GMDS: variants seen among roughly 807,000 people sequenced by gnomAD.
The protein encoded by GMDS is GDP-mannose 4,6 dehydratase.
In GMDS, 20 loss-of-function variants were observed where a neutral mutation model predicts 49.9. The observed-to-expected ratio is 0.40, with a 90% confidence interval of 0.28 to 0.58. The LOEUF (loss-of-function observed/expected upper bound fraction) is 0.58. Among genes scored for constraint, GMDS ranks in the 20% least tolerant of loss-of-function variants. The pLI is 0.42. For missense variants in GMDS, 362 were observed against 481.4 expected (o/e 0.75, Z 2.32); for synonymous variants, 177 against 178.6 (o/e 0.99, Z 0.07).
rs1212927047 is a variant in GMDS at position 1,819,770 on chromosome 6, A to AC, written c.772-77185_772-77184insG. Reference sequence around the variant, plus strand: ...AGTGAGACTCTGCCTCAAAAAAAAAAAAAAAAATATATATATATATATATA... The same window carrying AC: ...AGTGAGACTCTGCCTCAAAAAAAAAACAAAAAAATATATATATATATATATA... On this transcript the variant is annotated intron_variant, in intron 7 of 10. Coordinates refer to ENST00000380815, the MANE Select transcript of GMDS (RefSeq NM_001500.4). Among the ~76,000 whole-genome samples, 373 of 128,868 alleles carry AC rather than the reference A, an allele frequency of 2.9e-3. 2 individuals are homozygous for AC. The highest frequency in any genetic ancestry group is 9.7e-3 in the African/African-American group (358 of 37,004). 84.5% of individuals were successfully genotyped at this position (128,868 alleles called of 152,430 possible).
At chr6:2,170,242 G>A (rs1777915717) in intron 1 of GMDS, among the ~76,000 whole-genome samples, 2 of 151,694 alleles carry the variant, frequency 1.3e-5, no homozygotes, top group Middle Eastern at 3.4e-3. Context: ...AACAGGATTC[G>A]ACTTTCTCCA....
intron 4 of GMDS, among the ~76,000 whole-genome samples, chr6:2,091,253 T>C (rs1399787461): frequency 1.3e-5 from 2 of 152,236 alleles, no homozygotes; most frequent in East Asian, 1.9e-4. Context: ...GGCTCATACA[T>C]TTAACAACTT....
intron 6 of GMDS, among the ~76,000 whole-genome samples, chr6:1,940,953 C>T (rs774154314): frequency 2.0e-5 from 3 of 152,100 alleles, no homozygotes; most frequent in African/African-American, 7.2e-5. Flanking sequence ...CAGGAGCACC[C>T]CCTCAATTAT....
intron 4 of GMDS, among the ~76,000 whole-genome samples, chr6:1,968,552 C>T (rs911759648): frequency 6.6e-6 from 1 of 152,150 alleles, no homozygotes; most frequent in Non-Finnish European, 1.5e-5. Flanking sequence ...AATTCCTCGC[C>T]TTGGTCCTGA....
chr6:1,693,331 T>A (rs1765237047), intron 9 of GMDS, among the ~76,000 whole-genome samples: 1 of 152,182 alleles, frequency 6.6e-6, no homozygotes, highest in South Asian at 2.1e-4. Flanking sequence ...TCTGGAGCAA[T>A]CACTGCAATT....
Position 2,029,134 on chromosome 6 carries a change from A to G in GMDS, c.346-68168T>C, listed in dbSNP as rs552881936. ...AAGTTTAATCTCTTTCAAGACAGAAAGTAAATCCAATCAAAATCCCAGCAA... is the reference window on the plus strand; with the variant it reads ...AAGTTTAATCTCTTTCAAGACAGAAGGTAAATCCAATCAAAATCCCAGCAA... On this transcript the variant is annotated intron_variant, in intron 4 of 10. Transcript: ENST00000380815. Among the ~76,000 whole-genome samples, 153 of 152,218 alleles carry G rather than the reference A, an allele frequency of 1.0e-3. No individual in the cohort carries two copies. In the Middle Eastern group the frequency reaches 0.031, roughly 30 times the overall value.
chr6:1,939,959 T>C (rs892173944), intron 6 of GMDS, among the ~76,000 whole-genome samples: 4 of 152,050 alleles, frequency 2.6e-5, no homozygotes, highest in Non-Finnish European at 5.9e-5. Flanking sequence ...CTAGGGACAG[T>C]TCTACTTACC....
chr6:2,070,133 T>C (rs1226345079), intron 4 of GMDS, among the ~76,000 whole-genome samples: 3 of 151,114 alleles, frequency 2.0e-5, no homozygotes, highest in Admixed American at 6.6e-5. Context: ...ATGGATGAAA[T>C]TGGAAATCAT....
At chr6:1,825,420 T>C (rs1452639960) in intron 7 of GMDS, among the ~76,000 whole-genome samples, 1 of 152,258 alleles carries the variant, frequency 6.6e-6, no homozygotes, top group Non-Finnish European at 1.5e-5. Flanking sequence ...CTATGGTGAA[T>C]AAATACTGCC....
chr6:1,676,421 G>T (rs1379131206), intron 9 of GMDS, among the ~76,000 whole-genome samples: 1 of 152,094 alleles, frequency 6.6e-6, no homozygotes, highest in Non-Finnish European at 1.5e-5. Context: ...TCATAGAATT[G>T]GAAAAAACTA....
intron 9 of GMDS, among the ~76,000 whole-genome samples, chr6:1,714,591 G>C (rs1766106503): frequency 6.6e-6 from 1 of 152,198 alleles, no homozygotes; most frequent in Non-Finnish European, 1.5e-5. Flanking sequence ...GTGTCATGGG[G>C]AAAGCCAGAG....
chr6:1,944,831 T>C (rs2127266783), intron 6 of GMDS, among the ~76,000 whole-genome samples: 1 of 152,320 alleles, frequency 6.6e-6, no homozygotes, highest in Middle Eastern at 3.4e-3. Context: ...AAGATAAATG[T>C]CCATAAAATG....
intron 4 of GMDS, among the ~76,000 whole-genome samples, chr6:1,996,719 C>T (rs1766305172): frequency 6.6e-6 from 1 of 152,130 alleles, no homozygotes; most frequent in South Asian, 2.1e-4. Context: ...GGAAGCTGCA[C>T]ACATCATTTC....
rs115858925 is a variant in GMDS at position 2,160,816 on chromosome 6, G to A, written c.103-36085C>T. On this transcript the variant is annotated intron_variant, in intron 1 of 10. Transcript: ENST00000380815. The stretch of plus-strand genomic sequence containing the variant: ...GTGCTGGATTACAGGCATGAGCCAC[G>A]ACCACACCTGACCAAAGACTCTGAT... Among the ~76,000 whole-genome samples, 786 of 151,420 alleles carry A rather than the reference G, an allele frequency of 5.2e-3. 7 individuals carry two copies. The highest frequency in any genetic ancestry group is 0.018 in the African/African-American group (756 of 41,274).
chr6:2,195,141 G>C (rs1399310170), intron 1 of GMDS, among the ~76,000 whole-genome samples: 1 of 152,124 alleles, frequency 6.6e-6, no homozygotes, highest in Non-Finnish European at 1.5e-5. Flanking sequence ...CTTTTCTCCA[G>C]TAAAAGCTTT....
intron 1 of GMDS, among the ~76,000 whole-genome samples, chr6:2,193,037 G>C (rs1205609160): frequency 6.6e-6 from 1 of 152,190 alleles, no homozygotes; most frequent in East Asian, 1.9e-4. Flanking sequence ...GGATCCCTAA[G>C]GAGGGTTTTG....
Position 1,778,504 on chromosome 6 carries a change from C to T in GMDS, c.772-35918G>A, listed in dbSNP as rs575588445. ...AGGGGGCAGCCTTCCTGACCTGGAA[C>T]TTACTCCAGCCTGGAGTGTTCCAAG... On this transcript the variant is annotated intron_variant, in intron 7 of 10. Coordinates refer to ENST00000380815, the MANE Select transcript of GMDS (RefSeq NM_001500.4). The surrounding 1 kb of genome is among the most constrained non-coding windows in gnomAD (Gnocchi z 4.6). 2.6e-3 allele frequency among the ~76,000 whole-genome samples: 392 copies of T among 152,322 alleles called. 1 individual carries two copies. The highest frequency in any genetic ancestry group is 0.01 in the Middle Eastern group (3 of 294).
intron 9 of GMDS, among the ~76,000 whole-genome samples, chr6:1,657,988 C>T (rs1763943185): frequency 6.6e-6 from 1 of 152,294 alleles, no homozygotes; most frequent in East Asian, 1.9e-4. Context: ...CCTTGCGTAG[C>T]GCCGGGGTCT....
chr6:1,963,036 C>T (rs891992974), intron 4 of GMDS, among the ~76,000 whole-genome samples: 4 of 151,552 alleles, frequency 2.6e-5, no homozygotes, highest in African/African-American at 7.3e-5. Context: ...ACCACCACGC[C>T]CAGCTAATTT....
Sources: allele counts gnomAD v4.1 joint callset (sites outside exome capture counted in the v4.1 genomes callset), GRCh38; gene constraint gnomAD v4.1.1; non-coding constraint Gnocchi (gnomAD v3.1); transcripts MANE v1.5; gene names NCBI Gene and HGNC (gene_info 2026-07-23, HGNC 2026-07-21).